Variants in PLCB4 observed in about 807,000 individuals in gnomAD.
PLCB4 encodes the protein phospholipase C beta 4.
In PLCB4, 77 loss-of-function variants were observed where a neutral mutation model predicts 178.8. The observed-to-expected ratio is 0.43, with a 90% CI of 0.36 to 0.52. The LOEUF (loss-of-function observed/expected upper bound fraction) is 0.52, where lower values mean the gene tolerates loss of function less well. Ranked by LOEUF, PLCB4 falls within the 20% of genes least tolerant of loss-of-function variation. PLCB4 has a pLI of 0.00. For missense variants in PLCB4, 1,024 were observed against 1,453.4 expected (o/e 0.70, Z 4.80); for synonymous variants, 496 against 490.8 (o/e 1.01, Z -0.14).
At position 9,240,458 on chromosome 20, in the gene PLCB4, C is replaced by T. The variant is rs138546517; in HGVS notation, c.-16+23006C>T. The stretch of plus-strand genomic sequence containing the variant: ...CTGCTCACCTTCTGCCCAGTTTTCC[C>T]TTTCATTCTCTCTGTAACCATCGTA... On this transcript the variant is annotated intron_variant, in intron 3 of 39. Coordinates refer to ENST00000378473, the MANE Select transcript of PLCB4 (RefSeq NM_001377142.1). 6.1e-3 allele frequency among the ~76,000 whole-genome samples: 927 copies of T among 152,232 alleles called. 4 individuals carry two copies. Among genetic ancestry groups the T allele is most frequent in the Non-Finnish European group, 1.0e-2 (679 of 68,020 alleles).
chr20:9,239,536 A>G (rs1353112554), intron 3 of PLCB4, among the ~76,000 whole-genome samples: 1 of 152,192 alleles, frequency 6.6e-6, no homozygotes, highest in African/African-American at 2.4e-5. Flanking sequence ...CCAAGTATCC[A>G]GGGAAAACTG....
intron 3 of PLCB4, among the ~76,000 whole-genome samples, chr20:9,242,135 C>T (rs1403313872): frequency 6.6e-6 from 1 of 152,130 alleles, no homozygotes; most frequent in Non-Finnish European, 1.5e-5. Context: ...CCAAGGTGAA[C>T]CGTAGAGTCA....
At chr20:9,468,946 T>C (rs1776112248) in intron 36 of PLCB4, among the ~76,000 whole-genome samples, 1 of 152,066 alleles carries the variant, frequency 6.6e-6, no homozygotes, top group Non-Finnish European at 1.5e-5. Context: ...AAATATGACA[T>C]AATAATATAA....
chr20:9,256,401 A>C (rs1472606979), intron 3 of PLCB4, among the ~76,000 whole-genome samples: 1 of 152,248 alleles, frequency 6.6e-6, no homozygotes, highest in Non-Finnish European at 1.5e-5. Context: ...GGAGAAAAAA[A>C]GAAAGCAGGG....
intron 2 of PLCB4, among the ~76,000 whole-genome samples, chr20:9,184,038 C>T (rs2093290529): frequency 6.6e-6 from 1 of 151,882 alleles, no homozygotes; most frequent in Non-Finnish European, 1.5e-5. Context: ...TTTTTTCCTG[C>T]AAAAAGAGGC....
rs2093745953 is a variant in PLCB4, at chr20:9,217,430, T to G, written c.-38T>G. 3 of 152,264 alleles carry G rather than the reference T, an allele frequency of 2.0e-5. No homozygotes were observed. 9.4% of individuals were successfully genotyped at this position (152,264 alleles called of 1,614,324 possible). ...TGAGTTTGACGAAGTGGACATCACC[T>G]GCAGTCAGTCCAGAGCTGCCCAGTG... On this transcript the variant is annotated 5_prime_UTR_variant, in exon 3 of 40. Coordinates refer to ENST00000378473, the MANE Select transcript of PLCB4 (RefSeq NM_001377142.1).
At position 9,407,922 on chromosome 20, in the gene PLCB4, G is replaced by T. The variant is rs779291891; in HGVS notation, c.1653G>T (p.Leu551=). Residue 551 remains leucine (L), a synonymous_variant, in exon 22 of 40, where the codon CTG becomes CTT. Transcript: ENST00000378473. The stretch of plus-strand genomic sequence containing the variant: ...TTTCTTCCTTGTGCTTGTAGGGCCT[G>T]GTCACTGTAGAAGATGAGCAGGCGT... ...DLEHENNKKG[L]VTVEDEQAWM... is the part of the protein sequence containing the mutation. The T allele has an allele frequency of 3.1e-6, 5 of 1,612,192 alleles. No homozygotes were observed. In the South Asian group the frequency reaches 3.3e-5, roughly 11 times the overall value.
At chr20:9,167,530 A>G (rs1344070649) in intron 2 of PLCB4, among the ~76,000 whole-genome samples, 1 of 152,226 alleles carries the variant, frequency 6.6e-6, no homozygotes, top group Non-Finnish European at 1.5e-5. Context: ...ATAAAAATAT[A>G]CTTTGAACAT....
At chr20:9,075,156 G>A (rs1162790991) in intron 1 of PLCB4, among the ~76,000 whole-genome samples, 1 of 152,046 alleles carries the variant, frequency 6.6e-6, no homozygotes, top group Non-Finnish European at 1.5e-5. Flanking sequence ...AATCATCCCA[G>A]GATGTTAAAG....
At position 9,080,174 on chromosome 20, in the gene PLCB4, C is replaced by G. The variant is rs866098445; in HGVS notation, c.-135+10968C>G. ...GTATAAATGAACAAGCTGTATTTCC[C>G]CATTTGTTCAGCATGGCAGCAAGAC... On this transcript the variant is annotated intron_variant, in intron 1 of 39. Coordinates refer to ENST00000378473, the MANE Select transcript of PLCB4 (RefSeq NM_001377142.1). Among the ~76,000 whole-genome samples the G allele has an allele frequency of 4.6e-5, 7 of 152,250 alleles. No homozygotes were observed. The Middle Eastern group carries it at 0.014, about 296-fold the overall frequency.
At chr20:9,207,984 C>T (rs558236035) in intron 2 of PLCB4, among the ~76,000 whole-genome samples, 17 of 152,236 alleles carry the variant, frequency 1.1e-4, no homozygotes, top group African/African-American at 3.1e-4. Context: ...ACGCAAATTA[C>T]AGAAATGTAC....
chr20:9,072,948 TA>T (rs1425372008), intron 1 of PLCB4, among the ~76,000 whole-genome samples: 1 of 152,166 alleles, frequency 6.6e-6, no homozygotes, highest in African/African-American at 2.4e-5. Flanking sequence ...TCACTACTTA[TA>T]AAACCTTCAA....
chr20:9,268,650 G>C (rs748241322), intron 3 of PLCB4, among the ~76,000 whole-genome samples: 2 of 152,090 alleles, frequency 1.3e-5, no homozygotes, highest in Non-Finnish European at 2.9e-5. Flanking sequence ...CATACAAGGG[G>C]GACGATGTTA....
Position 9,110,197 on chromosome 20 carries a change from T to A in PLCB4, c.-79+13855T>A, listed in dbSNP as rs1220986643. ...AGCCTTTCAGCCATATTGTCTGGAATTGTTTTTTTTTTAAAACATATAATA... is the reference window on the plus strand; with the variant it reads ...AGCCTTTCAGCCATATTGTCTGGAAATGTTTTTTTTTTAAAACATATAATA... On this transcript the variant is annotated intron_variant, in intron 2 of 39. Coordinates refer to ENST00000378473, the MANE Select transcript of PLCB4 (RefSeq NM_001377142.1). Among the ~76,000 whole-genome samples the A allele has an allele frequency of 3.3e-5, 5 of 152,256 alleles. No homozygotes were observed. The East Asian group carries it at 9.6e-4, about 29-fold the overall frequency.
intron 2 of PLCB4, among the ~76,000 whole-genome samples, chr20:9,211,554 TTATTCCTG>T (rs2093673340): frequency 6.6e-6 from 1 of 152,234 alleles, no homozygotes; most frequent in Non-Finnish European, 1.5e-5. Flanking sequence ...TAAACTTGGG[TTATTCCTG>T]AATCACTTTT....
At chr20:9,096,673 G>T (rs1191179080) in intron 2 of PLCB4, among the ~76,000 whole-genome samples, 1 of 152,072 alleles carries the variant, frequency 6.6e-6, no homozygotes, top group Non-Finnish European at 1.5e-5. Flanking sequence ...TTTTCAGTGG[G>T]TGACATCTTT....
At chr20:9,463,934 A>G (rs1229012531) in intron 35 of PLCB4, among the ~76,000 whole-genome samples, 2 of 152,216 alleles carry the variant, frequency 1.3e-5, no homozygotes, top group Admixed American at 1.3e-4. Flanking sequence ...CAGACCTAAT[A>G]GACATCTACA....
At chr20:9,425,205 G>A (rs896456574) in intron 28 of PLCB4, among the ~76,000 whole-genome samples, 1 of 152,198 alleles carries the variant, frequency 6.6e-6, no homozygotes, top group Non-Finnish European at 1.5e-5. Context: ...GCAGTCCGTG[G>A]CAAACCTCAG....
chr20:9,321,997 G>C (rs2147965972), intron 4 of PLCB4, among the ~76,000 whole-genome samples: 1 of 149,268 alleles, frequency 6.7e-6, no homozygotes, highest in South Asian at 2.1e-4. Context: ...ACCTAGGCTG[G>C]AGTGCAATGG....
Sources: gnomAD v4.1 joint callset for allele counts (sites outside exome capture counted in the v4.1 genomes callset) on GRCh38, gnomAD v4.1.1 for gene constraint, MANE v1.5 for transcripts, NCBI Gene and HGNC (gene_info 2026-07-23, HGNC 2026-07-21) for gene names.